The following PLAGL1 variants were observed in gnomAD, a reference collection of about 807,000 sequenced individuals.
The protein encoded by PLAGL1 is zinc finger protein PLAGL1.
In PLAGL1, 1 loss-of-function variant was observed where a neutral mutation model predicts 4.6. The ratio of observed to expected loss-of-function variants is 0.22; its 90% CI spans 0.08 to 1.03. The LOEUF (loss-of-function observed/expected upper bound fraction) is 1.03, where lower values mean the gene tolerates loss of function less well. Ranked by LOEUF, PLAGL1 falls within the 50% of genes least tolerant of loss-of-function variation. The pLI, the probability that PLAGL1 is intolerant of heterozygous loss-of-function variation, is 0.58. For missense variants in PLAGL1, 464 were observed against 570.4 expected (o/e 0.81, Z 1.90); for synonymous variants, 240 against 237.8 (o/e 1.01, Z -0.08).
At chr6:144,029,991 C>T (rs142166500) in intron 1 of PLAGL1, among the ~76,000 whole-genome samples, 2,309 of 152,178 alleles carry the variant, frequency 0.015, 59 homozygotes, top group African/African-American at 0.053. Context: ...CGGTGGCTCA[C>T]GCCTGTAATC....
Position 143,971,163 on chromosome 6 carries a change from A to G in PLAGL1, c.-543-2185T>C, listed in dbSNP as rs1785347201. Among the ~76,000 whole-genome samples the G allele has an allele frequency of 6.6e-6, 1 of 151,938 alleles. No homozygotes were observed. Among genetic ancestry groups the G allele is most frequent in the Admixed American group, 6.6e-5 (1 of 15,244 alleles). Reference sequence around the variant, plus strand: ...TCTACCAATGATCAAAGTCATGGTAATTTTTCTGTTTCATGAGAAATCTAA... The same window carrying G: ...TCTACCAATGATCAAAGTCATGGTAGTTTTTCTGTTTCATGAGAAATCTAA... On this transcript the variant is annotated intron_variant, in intron 2 of 7. Coordinates refer to ENST00000674357, the MANE Select transcript of PLAGL1 (RefSeq NM_001317162.2). This position sits in a 1 kb window ranked among gnomAD's most constrained non-coding sequence, Gnocchi z 4.7.
rs922897065 is a variant in PLAGL1 at position 143,968,048 on chromosome 6, T to C, written c.-472+859A>G. On this transcript the variant is annotated intron_variant, in intron 3 of 7. Coordinates refer to ENST00000674357, the MANE Select transcript of PLAGL1 (RefSeq NM_001317162.2). This position sits in a 1 kb window ranked among gnomAD's most constrained non-coding sequence, Gnocchi z 6.3. ...CTGGAGAGAGGCCAAGAGTTATGGT[T>C]AAGCAACAGCACTGCAGCTGCAAAA... 3 of 147,380 alleles carry C rather than the reference T, an allele frequency of 2.0e-5. No homozygotes were observed. The highest frequency in any genetic ancestry group is 5.0e-5 in the African/African-American group (2 of 40,212). 9.1% of individuals were successfully genotyped at this position (147,380 alleles called of 1,614,324 possible).
rs1783504751 is a variant in PLAGL1 at position 143,962,106 on chromosome 6, T to C, written c.-398-1564A>G. ...GGAGGAGATCAAATCCCTCAGCTTT[T>C]CCCACCTGCCATCTCTGCGCCAGTC... is the stretch of plus-strand genomic sequence containing the variant. On this transcript the variant is annotated intron_variant, in intron 5 of 7. Coordinates refer to ENST00000674357, the MANE Select transcript of PLAGL1 (RefSeq NM_001317162.2). The surrounding 1 kb of genome is among the most constrained non-coding windows in gnomAD (Gnocchi z 5.3). Among the ~76,000 whole-genome samples the C allele has an allele frequency of 6.6e-6, 1 of 152,178 alleles. No individual in the cohort carries two copies. The highest frequency in any genetic ancestry group is 1.5e-5 in the Non-Finnish European group (1 of 68,022).
intron 1 of PLAGL1, among the ~76,000 whole-genome samples, chr6:144,018,534 A>G (rs368747118): frequency 2.0e-5 from 3 of 152,358 alleles, no homozygotes; most frequent in Admixed American, 6.5e-5. Flanking sequence ...TATTCTTACC[A>G]CAAAAAATAA....
intron 1 of PLAGL1, among the ~76,000 whole-genome samples, chr6:144,023,061 A>G (rs1182895828): frequency 6.6e-6 from 1 of 152,254 alleles, no homozygotes; most frequent in African/African-American, 2.4e-5. Flanking sequence ...AATCTAAAGG[A>G]ATGAGCTATT....
chr6:144,012,237 CAG>C (rs1311838494), upstream of PLAGL1, among the ~76,000 whole-genome samples: 3 of 152,010 alleles, frequency 2.0e-5, no homozygotes, highest in Non-Finnish European at 4.4e-5. The surrounding 1 kb of genome is among the most constrained non-coding windows in gnomAD (Gnocchi z 4.8). Flanking sequence ...GTTTTTGAGA[CAG>C]AGTCTCGCTC....
In PLAGL1 at chr6:143,959,756, T is replaced by TA. The variant is rs1782964401; in HGVS notation, c.-325+712dup. Among the ~76,000 whole-genome samples the TA allele has an allele frequency of 6.6e-6, 1 of 152,214 alleles. No homozygotes were observed. The highest frequency in any genetic ancestry group is 1.5e-5 in the Non-Finnish European group (1 of 68,034). On this transcript the variant is annotated intron_variant, in intron 6 of 7. Transcript: ENST00000674357. The surrounding 1 kb of genome is among the most constrained non-coding windows in gnomAD (Gnocchi z 5.3). Reference sequence around the variant, plus strand: ...TGGACTAATGACATACTGCAAGTAATACACTGTCCTAAGCAAAACGCCTAG... The same window carrying TA: ...TGGACTAATGACATACTGCAAGTAATAACACTGTCCTAAGCAAAACGCCTAG...
rs555331427 is a variant in PLAGL1 at position 144,063,672 on chromosome 6, G to A, written c.-151+796C>T. ...TTGGCTTTTTCAATAAAATGAACAG[G>A]TCCCGCGCTCCTAGACCCATGAACA... On this transcript the variant is annotated intron_variant, in intron 1 of 3. Transcript: ENST00000437412. This position sits in a 1 kb window ranked among gnomAD's most constrained non-coding sequence, Gnocchi z 5.7. Among the ~76,000 whole-genome samples, 178 of 152,250 alleles carry A rather than the reference G, an allele frequency of 1.2e-3. No individual in the cohort carries two copies. Among genetic ancestry groups the A allele is most frequent in the African/African-American group, 4.0e-3 (167 of 41,532 alleles).
upstream of PLAGL1, among the ~76,000 whole-genome samples, chr6:144,012,034 C>A (rs774389137): frequency 6.6e-6 from 1 of 152,126 alleles, no homozygotes; most frequent in Non-Finnish European, 1.5e-5. The surrounding 1 kb of genome is among the most constrained non-coding windows in gnomAD (Gnocchi z 4.8). Context: ...TGTCTTGCAG[C>A]GGTGGGTGGA....
chr6:144,016,892 G>A lies in PLAGL1; in HGVS notation c.-151+47576C>T, dbSNP rs1795601961. 6.6e-6 allele frequency among the ~76,000 whole-genome samples: 1 copy of A among 151,916 alleles called. No homozygotes were observed. Among genetic ancestry groups the A allele is most frequent in the Admixed American group, 6.6e-5 (1 of 15,254 alleles). ...CCTTCTGCTGTTTTTTTTGTTGTGA[G>A]CTTTTTCATTAGCACTCTCTTGTGC... On this transcript the variant is annotated intron_variant, in intron 1 of 3. Transcript: ENST00000437412. The surrounding 1 kb of genome is among the most constrained non-coding windows in gnomAD (Gnocchi z 4.2).
At chr6:143,951,046 T>C (rs565973281) in intron 6 of PLAGL1, among the ~76,000 whole-genome samples, 124 of 152,320 alleles carry the variant, frequency 8.1e-4, no homozygotes, top group African/African-American at 2.9e-3. Flanking sequence ...CCTGAAGCTA[T>C]AAATCCAGGC....
chr6:143,955,365 G>A lies in PLAGL1; in HGVS notation c.-325+5104C>T, dbSNP rs1032528152. On this transcript the variant is annotated intron_variant, in intron 6 of 7. Coordinates refer to ENST00000674357, the MANE Select transcript of PLAGL1 (RefSeq NM_001317162.2). The surrounding 1 kb of genome is among the most constrained non-coding windows in gnomAD (Gnocchi z 4.9). Reference sequence around the variant, plus strand: ...GGAGAAAACAGGCTAGAGAGATGGAGAATCGTGAAGGGTCCACTCTACAAG... The same window carrying A: ...GGAGAAAACAGGCTAGAGAGATGGAAAATCGTGAAGGGTCCACTCTACAAG... Among the ~76,000 whole-genome samples the A allele has an allele frequency of 2.6e-5, 4 of 152,202 alleles. No individual in the cohort carries two copies. The highest frequency in any genetic ancestry group is 2.6e-4 in the Admixed American group (4 of 15,278).
chr6:143,993,219 G>T (rs558538374), intron 1 of PLAGL1, among the ~76,000 whole-genome samples: 13 of 151,004 alleles, frequency 8.6e-5, no homozygotes, highest in Non-Finnish European at 1.6e-4. Flanking sequence ...CAGGAGAATT[G>T]CTTGGACCAG....
chr6:143,955,687 T>A lies in PLAGL1; in HGVS notation c.-325+4782A>T, dbSNP rs1781974743. On this transcript the variant is annotated intron_variant, in intron 6 of 7. Transcript: ENST00000674357. The surrounding 1 kb of genome is among the most constrained non-coding windows in gnomAD (Gnocchi z 4.9). ...CAGGGAGCTGGGCAATGGGGACCGA[T>A]CAGAAGCAGTGGACTTGCCACCAGA... 6.6e-6 allele frequency among the ~76,000 whole-genome samples: 1 copy of A among 152,042 alleles called. No homozygotes were observed. Among genetic ancestry groups the A allele is most frequent in the Non-Finnish European group, 1.5e-5 (1 of 68,008 alleles).
chr6:144,053,649 A>C lies in PLAGL1; in HGVS notation c.-151+10819T>G, dbSNP rs1303342364. ...GGATAAAAAGGAAAATACTACCTTCATAAAGAAACTTACCACCTAAAAGTT... is the reference window on the plus strand; with the variant it reads ...GGATAAAAAGGAAAATACTACCTTCCTAAAGAAACTTACCACCTAAAAGTT... On this transcript the variant is annotated intron_variant, in intron 1 of 3. Transcript: ENST00000437412. This position sits in a 1 kb window ranked among gnomAD's most constrained non-coding sequence, Gnocchi z 4.0. 6.6e-6 allele frequency among the ~76,000 whole-genome samples: 1 copy of C among 152,224 alleles called. No homozygotes were observed. Among genetic ancestry groups the C allele is most frequent in the Non-Finnish European group, 1.5e-5 (1 of 68,034 alleles).
At chr6:144,011,287 A>C (rs1288577484), upstream of PLAGL1, among the ~76,000 whole-genome samples, 1 of 152,268 alleles carries the variant, frequency 6.6e-6, no homozygotes, top group Admixed American at 6.5e-5. This position sits in a 1 kb window ranked among gnomAD's most constrained non-coding sequence, Gnocchi z 4.3. Flanking sequence ...AAAAGTGGGC[A>C]AAGGATATGA....
intron 2 of PLAGL1, among the ~76,000 whole-genome samples, chr6:143,977,384 T>C (rs1221564152): frequency 6.6e-6 from 1 of 152,168 alleles, no homozygotes; most frequent in East Asian, 1.9e-4. Flanking sequence ...TCTTTTACTT[T>C]AGTAATACAC....
In PLAGL1 at chr6:144,053,977, A is replaced by G. The variant is rs923849936; in HGVS notation, c.-151+10491T>C. On this transcript the variant is annotated intron_variant, in intron 1 of 3. Coordinates refer to the PLAGL1 transcript ENST00000437412. The surrounding 1 kb of genome is among the most constrained non-coding windows in gnomAD (Gnocchi z 4.0). ...CCATCAACTTCAAAATCCATCAGGA[A>G]AGGGATATTCATTTCTCTATATGGT... Among the ~76,000 whole-genome samples, 13 of 152,228 alleles carry G rather than the reference A, an allele frequency of 8.5e-5. No individual in the cohort carries two copies. The highest frequency in any genetic ancestry group is 2.9e-4 in the African/African-American group (12 of 41,466).
rs185172941 is a variant in PLAGL1, at chr6:143,998,820, G to A, written c.-584+9270C>T. The stretch of plus-strand genomic sequence containing the variant: ...GGGAAATGGCACAAATAAGAACACA[G>A]CTGCAAAAGCAGGAGAGTGAAACCT... On this transcript the variant is annotated intron_variant, in intron 1 of 7. Transcript: ENST00000674357. 6.6e-5 allele frequency among the ~76,000 whole-genome samples: 10 copies of A among 152,284 alleles called. No individual in the cohort carries two copies. The East Asian group carries it at 1.4e-3, about 21-fold the overall frequency.
Sources: allele counts gnomAD v4.1 joint callset (sites outside exome capture counted in the v4.1 genomes callset), GRCh38; gene constraint gnomAD v4.1.1; non-coding constraint Gnocchi (gnomAD v3.1); transcripts MANE v1.5; gene names NCBI Gene and HGNC (gene_info 2026-07-23, HGNC 2026-07-21).